ZSCAN2: variants seen among roughly 807,000 people sequenced by gnomAD.
The protein encoded by ZSCAN2 is zinc finger and SCAN domain containing 2, also known as zinc finger and SCAN domain-containing protein 2.
In ZSCAN2, 26 loss-of-function variants were observed where a neutral mutation model predicts 47.8. The ratio of observed to expected loss-of-function variants is 0.54; its 90% CI spans 0.40 to 0.75. The LOEUF (loss-of-function observed/expected upper bound fraction) is 0.75. Ranked by LOEUF, ZSCAN2 falls within the 30% of genes least tolerant of loss-of-function variation. The probability of loss-of-function intolerance (pLI) is 0.00; values close to 1 mark genes in which losing one functional copy is unlikely to be tolerated. For missense variants in ZSCAN2, 732 were observed against 785.4 expected, an observed-to-expected ratio of 0.93 and a Z score of 0.81; for synonymous variants, 305 against 288.7, an observed-to-expected ratio of 1.06 and a Z score of -0.57.
In ZSCAN2 at chr15:84,622,792, C is replaced by T. The variant is rs1895844678; in HGVS notation, c.*752C>T. 1 of 669,284 alleles carries T rather than the reference C, an allele frequency of 1.5e-6. No homozygotes were observed. Among genetic ancestry groups the T allele is most frequent in the African/African-American group, 1.8e-5 (1 of 55,428 alleles). The allele number at this position is 669,284 out of a possible 1,614,324, so 41.5% of individuals were successfully genotyped here. ...GCTTGCTTTTGTCTCTGCCTACTGT[C>T]CTGTGGTAGATCAGCTACCAGGGGA... is the stretch of plus-strand genomic sequence containing the variant. On this transcript the variant is annotated 3_prime_UTR_variant, in exon 3 of 3. Coordinates refer to ENST00000546148, the MANE Select transcript of ZSCAN2 (RefSeq NM_181877.4).
intron 1 of ZSCAN2, among the ~76,000 whole-genome samples, chr15:84,602,671 C>G (rs915335730): frequency 6.6e-6 from 1 of 150,680 alleles, no homozygotes; most frequent in African/African-American, 2.4e-5. Flanking sequence ...TCACTGCAAC[C>G]TCCTCCTCCC....
chr15:84,610,038 G>T (rs1335174276), intron 2 of ZSCAN2, among the ~76,000 whole-genome samples: 1 of 152,222 alleles, frequency 6.6e-6, no homozygotes, highest in Non-Finnish European at 1.5e-5. Context: ...GTGCACGTGA[G>T]GCCAGAGCTC....
At chr15:84,603,753 CT>C (rs1333214934) in intron 1 of ZSCAN2, 66 bp from the exon 2 acceptor site, 1 of 708,394 alleles carries the variant, frequency 1.4e-6, no homozygotes, top group East Asian at 2.8e-5. Context: ...CTGACCTGGG[CT>C]TTTGTGAGTT....
intron 2 of ZSCAN2, 102 bp from the exon 3 acceptor site, chr15:84,620,500 G>A: frequency 9.6e-7 from 1 of 1,042,584 alleles, no homozygotes. Flanking sequence ...GCCTCTTTGT[G>A]TTCACTGGAA....
At chr15:84,606,886 T>G in intron 2 of ZSCAN2, 1 of 1,132,622 alleles carries the variant, frequency 8.8e-7, no homozygotes, top group Non-Finnish European at 1.1e-6. Context: ...TTCCTCATGA[T>G]TGCTCACAGG....
chr15:84,613,867 A>G (rs1895621966), intron 2 of ZSCAN2, among the ~76,000 whole-genome samples: 1 of 148,880 alleles, frequency 6.7e-6, no homozygotes. Context: ...TTTTTAGTAG[A>G]GATGGGGTTT....
chr15:84,606,563 G>T (rs764546150), intron 2 of ZSCAN2: 3 of 1,614,034 alleles, frequency 1.9e-6, no homozygotes, highest in Non-Finnish European at 2.5e-6. Context: ...CGGTGGAGGT[G>T]ACCAGTTTGT....
chr15:84,610,504 T>A (rs1450994119), intron 2 of ZSCAN2, among the ~76,000 whole-genome samples: 1 of 143,966 alleles, frequency 6.9e-6, no homozygotes, highest in Non-Finnish European at 1.5e-5. Flanking sequence ...TTTTTTTTTT[T>A]TTGAGATGGA....
chr15:84,621,124 A>T lies in ZSCAN2; in HGVS notation c.929A>T (p.Glu310Val), dbSNP rs777810116. The change falls in exon 3 of 3, where the codon GAG (glutamate) becomes GTG (valine). Residue 310 changes from glutamate (E) to valine (V), a missense_variant. Transcript: ENST00000546148. The surrounding 1 kb of genome is among the most constrained non-coding windows in gnomAD (Gnocchi z 5.7). Reference protein sequence around the residue: ...HTGEKPFQCAECGKSFSRSPN... With the variant: ...HTGEKPFQCAVCGKSFSRSPN... ...GGGGAAAAGCCCTTCCAGTGTGCCG[A>T]GTGTGGCAAGAGCTTCAGCAGGAGT... 1.2e-6 allele frequency: 2 copies of T among 1,614,072 alleles called. No individual in the cohort carries two copies. The highest frequency in any genetic ancestry group is 4.5e-5 in the East Asian group (2 of 44,882).
chr15:84,621,992 T>A lies in ZSCAN2; in HGVS notation c.1797T>A (p.Ser599=). ...GTGGCAAAGGCTTCAGCAACAGCTCTAACTTTATCACACATCAGAGAACTC... is the reference window on the plus strand; with the variant it reads ...GTGGCAAAGGCTTCAGCAACAGCTCAAACTTTATCACACATCAGAGAACTC... ...PECGKGFSNS[S]NFITHQRTHM... Residue 599 remains serine, a synonymous_variant, in exon 3 of 3, where the codon TCT becomes TCA. Transcript: ENST00000546148. This position sits in a 1 kb window ranked among gnomAD's most constrained non-coding sequence, Gnocchi z 5.7. 6.2e-7 allele frequency: 1 copy of A among 1,613,608 alleles called. No homozygotes were observed. The highest frequency in any genetic ancestry group is 8.5e-7 in the Non-Finnish European group (1 of 1,179,648).
At position 84,621,344 on chromosome 15, in the gene ZSCAN2, C is replaced by T. The variant is rs767795571; in HGVS notation, c.1149C>T (p.Ile383=). 6.2e-7 allele frequency: 1 copy of T among 1,614,142 alleles called. No homozygotes were observed. Among genetic ancestry groups the T allele is most frequent in the Non-Finnish European group, 8.5e-7 (1 of 1,180,024 alleles). ...CCAATCTAATCAGACACCAGAGAAT[C>T]CACACAGGAGAGAAACCCTACAAAT... The part of the protein sequence containing the change: ...YNSNLIRHQR[I]HTGEKPYKCT... Residue 383 remains isoleucine (I), a synonymous_variant, in exon 3 of 3, where the codon ATC becomes ATT. Coordinates refer to ENST00000546148, the MANE Select transcript of ZSCAN2 (RefSeq NM_181877.4). The surrounding 1 kb of genome is among the most constrained non-coding windows in gnomAD (Gnocchi z 5.7).
At chr15:84,603,762 G>C in intron 1 of ZSCAN2, 58 bp from the exon 2 acceptor site, 1 of 777,150 alleles carries the variant, frequency 1.3e-6, no homozygotes, top group Non-Finnish European at 2.0e-6. Flanking sequence ...GCTTTTGTGA[G>C]TTAGATTGCT....
At chr15:84,607,701 G>A (rs982328685) in intron 2 of ZSCAN2, among the ~76,000 whole-genome samples, 9 of 152,028 alleles carry the variant, frequency 5.9e-5, no homozygotes, top group Admixed American at 5.9e-4. Flanking sequence ...TAGAGACAGA[G>A]TTTCACCACG....
chr15:84,604,529 T>C (rs1369830496), intron 2 of ZSCAN2, among the ~76,000 whole-genome samples, 196 bp downstream of exon 2: 1 of 152,144 alleles, frequency 6.6e-6, no homozygotes, highest in Non-Finnish European at 1.5e-5. Context: ...GCTCCAGAAG[T>C]GCTAGGAGGG....
At chr15:84,609,251 A>G (rs1895473246) in intron 2 of ZSCAN2, among the ~76,000 whole-genome samples, 1 of 149,388 alleles carries the variant, frequency 6.7e-6, no homozygotes, top group Non-Finnish European at 1.5e-5. Context: ...TTACTTTTAT[A>G]TATATATATA....
rs781362817 is a variant in ZSCAN2, at chr15:84,621,856, G to A, written c.1661G>A (p.Gly554Glu). 6.2e-7 allele frequency: 1 copy of A among 1,614,210 alleles called. No individual in the cohort carries two copies. The highest frequency in any genetic ancestry group is 8.5e-7 in the Non-Finnish European group (1 of 1,180,046). ...GTCATGCACCAGAGAGCCCATTTGG[G>A]AGACAAGCCCTACAGGTGCCCTGAG... ...ILVMHQRAHL[G>E]DKPYRCPECG... The change falls in exon 3 of 3, where the codon GGA becomes GAA. Residue 554 changes from glycine (G) to glutamate (E), a missense_variant. Gly to Glu is a moderately conservative substitution (Grantham distance 98). This residue lies in a region of ZSCAN2 where 412 missense variants were observed against 498.0 expected (regional missense o/e 0.83). Coordinates refer to ENST00000546148, the MANE Select transcript of ZSCAN2 (RefSeq NM_181877.4). This position sits in a 1 kb window ranked among gnomAD's most constrained non-coding sequence, Gnocchi z 5.7.
chr15:84,621,696 C>T lies in ZSCAN2; in HGVS notation c.1501C>T (p.Pro501Ser). Residue 501 changes from proline (P) to serine (S), a missense_variant, in exon 3 of 3, where the codon CCC becomes TCC. Pro to Ser is a moderately conservative substitution (Grantham distance 74, BLOSUM62 -1). Transcript: ENST00000546148. This position sits in a 1 kb window ranked among gnomAD's most constrained non-coding sequence, Gnocchi z 5.7. ...KHQRIHTGEK[P>S]YKCSECGKCF... ...CCAGAGGATCCACACGGGAGAGAAA[C>T]CCTACAAATGCAGCGAGTGTGGGAA... The T allele has an allele frequency of 6.2e-7, 1 of 1,614,230 alleles. No individual in the cohort carries two copies. The highest frequency in any genetic ancestry group is 8.5e-7 in the Non-Finnish European group (1 of 1,180,044).
At position 84,606,867 on chromosome 15, in the gene ZSCAN2, G is replaced by A. The variant is rs987359755; in HGVS notation, c.406+2534G>A. 2.5e-5 allele frequency: 29 copies of A among 1,164,786 alleles called. No individual in the cohort carries two copies. The African/African-American group carries it at 3.8e-4, about 15-fold the overall frequency. 72.2% of individuals were successfully genotyped at this position (1,164,786 alleles called of 1,614,324 possible). On this transcript the variant is annotated intron_variant, in intron 2 of 2. Transcript: ENST00000546148. The stretch of plus-strand genomic sequence containing the variant: ...CTTTGTTGGTCTTTGTTTAATAAAC[G>A]CCCCGACCTTCCTCATGATTGCTCA...
chr15:84,602,832 G>T (rs1377431776), intron 1 of ZSCAN2, among the ~76,000 whole-genome samples: 1 of 151,728 alleles, frequency 6.6e-6, no homozygotes, highest in Non-Finnish European at 1.5e-5. Context: ...CAAGTGATCC[G>T]CCTGCCGAGG....
Sources: allele counts gnomAD v4.1 joint callset (sites outside exome capture counted in the v4.1 genomes callset), GRCh38; gene constraint gnomAD v4.1.1; regional missense constraint gnomAD v4.1.1; non-coding constraint Gnocchi (gnomAD v3.1); transcripts MANE v1.5; gene names NCBI Gene and HGNC (gene_info 2026-07-23, HGNC 2026-07-21).